KIAA1217: variants seen among roughly 807,000 people sequenced by gnomAD.
The protein encoded by KIAA1217 is sickle tail protein homolog.
In KIAA1217, 88 loss-of-function variants were observed where a neutral mutation model predicts 163.9. That is an observed-to-expected ratio of 0.54 (90% CI 0.45 to 0.64). KIAA1217 has a LOEUF of 0.64. KIAA1217 is among the 30% of genes least tolerant of loss of function. The pLI, the probability that KIAA1217 is intolerant of heterozygous loss-of-function variation, is 0.00. For synonymous variants in KIAA1217, 903 were observed against 923.1 expected, an observed-to-expected ratio of 0.98 and a Z score of 0.39; for missense variants, 2,372 against 2,475.0, an observed-to-expected ratio of 0.96 and a Z score of 0.88.
At chr10:24,223,828 C>G (rs1007506117) in intron 2 of KIAA1217, among the ~76,000 whole-genome samples, 1 of 150,718 alleles carries the variant, frequency 6.6e-6, no homozygotes, top group Admixed American at 6.6e-5. Context: ...ATCCTCCCAC[C>G]CCAGCACCCA....
rs910786981 is a variant in KIAA1217, at chr10:24,277,732, G to A, written c.354+57823G>A. On this transcript the variant is annotated intron_variant, in intron 2 of 20. Coordinates refer to ENST00000376454, the MANE Select transcript of KIAA1217 (RefSeq NM_019590.5). ...TCAACCATGATTGTAAGTTTCCTGA[G>A]GCCTCCCCAGCCCTGCAGAACTGTG... 1.1e-4 allele frequency among the ~76,000 whole-genome samples: 16 copies of A among 152,302 alleles called. No individual in the cohort carries two copies. In the South Asian group the frequency reaches 1.2e-3, roughly 12 times the overall value.
chr10:24,390,356 T>A (rs72776746), intron 3 of KIAA1217, among the ~76,000 whole-genome samples: 13,704 of 151,790 alleles, frequency 0.09, 798 homozygotes, highest in Admixed American at 0.15. Flanking sequence ...TCATGTAAGA[T>A]CTCATTTGAA....
intron 2 of KIAA1217, among the ~76,000 whole-genome samples, chr10:24,247,824 A>G (rs1400728077): frequency 6.6e-6 from 1 of 152,234 alleles, no homozygotes; most frequent in Non-Finnish European, 1.5e-5. Flanking sequence ...TTCTGGAATG[A>G]TGTCCAATAA....
At chr10:23,845,138 T>C (rs1281097029) in intron 1 of KIAA1217, among the ~76,000 whole-genome samples, 5 of 152,240 alleles carry the variant, frequency 3.3e-5, no homozygotes, top group Admixed American at 1.3e-4. Flanking sequence ...AGTCTATCAT[T>C]GATGGACATT....
At chr10:24,116,384 C>T (rs1381774756) in intron 2 of KIAA1217, among the ~76,000 whole-genome samples, 3 of 152,066 alleles carry the variant, frequency 2.0e-5, no homozygotes, top group Non-Finnish European at 2.9e-5. Flanking sequence ...ATATTTTGGG[C>T]TCTGCAGACC....
At chr10:24,144,631 T>A (rs965434880) in intron 2 of KIAA1217, among the ~76,000 whole-genome samples, 6 of 152,206 alleles carry the variant, frequency 3.9e-5, no homozygotes, top group African/African-American at 1.4e-4. Flanking sequence ...ATCAGTACCT[T>A]TGCTGAACAG....
intron 1 of KIAA1217, among the ~76,000 whole-genome samples, chr10:23,838,909 T>C (rs1009871130): frequency 6.6e-6 from 1 of 152,236 alleles, no homozygotes; most frequent in Non-Finnish European, 1.5e-5. Flanking sequence ...ATCTATTATC[T>C]GCTGTTCTTG....
At chr10:24,352,503 CT>C (rs200657968) in intron 2 of KIAA1217, among the ~76,000 whole-genome samples, 7 of 151,610 alleles carry the variant, frequency 4.6e-5, no homozygotes, top group South Asian at 2.1e-4. Flanking sequence ...AAAGTATAAT[CT>C]TTTTTTTTGT....
rs3748218 is a variant in KIAA1217 at position 24,543,956 on chromosome 10, C to A, written c.4686C>A (p.Thr1562=). The A allele has an allele frequency of 6.2e-7, 1 of 1,613,670 alleles. No individual in the cohort carries two copies. Among genetic ancestry groups the A allele is most frequent in the African/African-American group, 1.3e-5 (1 of 74,780 alleles). Reference sequence around the variant, plus strand: ...CGGAATGCAAGGGTGAGGACGCGACCGATGACCAGTTTGAAAGCCCCAAGA... The same window carrying A: ...CGGAATGCAAGGGTGAGGACGCGACAGATGACCAGTTTGAAAGCCCCAAGA... The part of the protein sequence containing the change: ...PNSECKGEDA[T]DDQFESPKKK... Residue 1562 remains threonine, a synonymous_variant, in exon 19 of 21, where the codon ACC becomes ACA. Coordinates refer to ENST00000376454, the MANE Select transcript of KIAA1217 (RefSeq NM_019590.5).
chr10:24,129,606 C>A (rs1444007220), intron 2 of KIAA1217, among the ~76,000 whole-genome samples: 1 of 152,042 alleles, frequency 6.6e-6, no homozygotes. Context: ...TTTTAAACAG[C>A]CTACCATATG....
At chr10:23,865,133 T>C (rs879446921) in intron 1 of KIAA1217, among the ~76,000 whole-genome samples, 2 of 152,178 alleles carry the variant, frequency 1.3e-5, no homozygotes, top group Non-Finnish European at 2.9e-5. Flanking sequence ...ACTTGCTTTT[T>C]TCTCACCAAC....
intron 17 of KIAA1217, 57 bp downstream of exon 17, chr10:24,536,950 G>C (rs1263744213): frequency 8.7e-6 from 14 of 1,601,100 alleles, no homozygotes; most frequent in Admixed American, 1.7e-5. Flanking sequence ...TCCTTGCTCT[G>C]ACACTAACAC....
chr10:24,304,217 T>C (rs928835909), intron 2 of KIAA1217, among the ~76,000 whole-genome samples: 1 of 151,744 alleles, frequency 6.6e-6, no homozygotes, highest in Non-Finnish European at 1.5e-5. Flanking sequence ...TTTTTTTTTT[T>C]TTTTTGCCTG....
At chr10:24,374,606 G>A (rs184279159) in intron 2 of KIAA1217, among the ~76,000 whole-genome samples, 9 of 152,166 alleles carry the variant, frequency 5.9e-5, no homozygotes, top group East Asian at 3.9e-4. Context: ...ACATCCACCC[G>A]TTGTATTTTA....
At chr10:23,999,275 G>C (rs1589214179) in intron 1 of KIAA1217, among the ~76,000 whole-genome samples, 3 of 152,172 alleles carry the variant, frequency 2.0e-5, no homozygotes, top group African/African-American at 4.8e-5. Flanking sequence ...CCCAGGGAGG[G>C]TGCCTCATTG....
rs2054767585 is a variant in KIAA1217, at chr10:24,390,531, A to G, written c.553+9464A>G. ...AAGGAAGGAAGGAAGGAAGGAAGGA[A>G]AATTATGAGGAAATTTCAAAAGAAA... On this transcript the variant is annotated intron_variant, in intron 3 of 20. Coordinates refer to ENST00000376454, the MANE Select transcript of KIAA1217 (RefSeq NM_019590.5). Among the ~76,000 whole-genome samples, 2 of 142,574 alleles carry G rather than the reference A, an allele frequency of 1.4e-5. 1 individual carries two copies. Among genetic ancestry groups the G allele is most frequent in the South Asian group, 4.7e-4 (2 of 4,254 alleles). The allele number at this position is 142,574 out of a possible 152,430, so 93.5% of individuals were successfully genotyped here.
chr10:24,042,821 AC>A (rs1486059572), intron 2 of KIAA1217, among the ~76,000 whole-genome samples: 1 of 152,184 alleles, frequency 6.6e-6, no homozygotes, highest in Non-Finnish European at 1.5e-5. Context: ...AAAGTTTCTT[AC>A]CCTTTACCTA....
intron 1 of KIAA1217, among the ~76,000 whole-genome samples, chr10:23,922,940 A>G (rs1564535770): frequency 6.6e-6 from 1 of 152,204 alleles, no homozygotes; most frequent in Non-Finnish European, 1.5e-5. Flanking sequence ...GTAAACCAAG[A>G]AAGACTTTTA....
At chr10:23,742,929 T>C (rs1839199204) in intron 1 of KIAA1217, among the ~76,000 whole-genome samples, 1 of 152,114 alleles carries the variant, frequency 6.6e-6, no homozygotes, top group Non-Finnish European at 1.5e-5. Flanking sequence ...GACCATGTGT[T>C]CAAGGGACAG....
Sources: gnomAD v4.1 joint callset for allele counts (sites outside exome capture counted in the v4.1 genomes callset) on GRCh38, gnomAD v4.1.1 for gene constraint, MANE v1.5 for transcripts, NCBI Gene and HGNC (gene_info 2026-07-23, HGNC 2026-07-21) for gene names.